The following HHAT variants were observed in gnomAD, a reference collection of about 807,000 sequenced individuals.
The protein encoded by HHAT is hedgehog acyltransferase.
HHAT carries 47 observed loss-of-function variants against 70.8 expected under a neutral mutation model. The observed-to-expected ratio is 0.66, with a 90% CI of 0.53 to 0.85. HHAT has a LOEUF of 0.85. HHAT is among the 40% of genes least tolerant of loss of function. The pLI is 0.00. For synonymous variants in HHAT, 228 were observed against 247.6 expected (o/e 0.92, Z 0.74); for missense variants, 609 against 604.8 (o/e 1.01, Z -0.07).
At chr1:210,476,889 A>G (rs1011951260) in intron 8 of HHAT, among the ~76,000 whole-genome samples, 3 of 152,234 alleles carry the variant, frequency 2.0e-5, no homozygotes, top group Admixed American at 2.0e-4. Context: ...CAGTGTATGC[A>G]TATTAACATT....
At chr1:210,399,233 A>G (rs562460983) in intron 4 of HHAT, among the ~76,000 whole-genome samples, 2 of 152,106 alleles carry the variant, frequency 1.3e-5, no homozygotes, top group Non-Finnish European at 2.9e-5. Context: ...TATCCACCCC[A>G]TGAAGGAGAT....
intron 8 of HHAT, among the ~76,000 whole-genome samples, chr1:210,483,118 T>C (rs1430437249): frequency 6.6e-6 from 1 of 152,224 alleles, no homozygotes; most frequent in African/African-American, 2.4e-5. Context: ...AACTAATGCA[T>C]AATAATAGCA....
rs556317370 is a variant in HHAT, at chr1:210,615,721, A to G, written c.1246-7805A>G. ...GGTCCACTCCAGACCCTGTTTGCCT[A>G]GGTATCAGCAGTGGAGGCTGCAGAG... is the stretch of plus-strand genomic sequence containing the variant. On this transcript the variant is annotated intron_variant, in intron 10 of 11. Coordinates refer to ENST00000261458, the MANE Select transcript of HHAT (RefSeq NM_018194.6). 3.3e-3 allele frequency among the ~76,000 whole-genome samples: 500 copies of G among 152,348 alleles called. 2 individuals carry two copies. Among genetic ancestry groups the G allele is most frequent in the Non-Finnish European group, 4.4e-3 (298 of 68,020 alleles).
chr1:210,562,376 A>G (rs2095630976), intron 9 of HHAT, among the ~76,000 whole-genome samples: 1 of 129,024 alleles, frequency 7.8e-6, no homozygotes, highest in African/African-American at 3.0e-5. Flanking sequence ...AGTCTTTTCA[A>G]TCCAATCACC....
intron 2 of HHAT, among the ~76,000 whole-genome samples, chr1:210,359,515 G>T (rs1251127322): frequency 6.6e-6 from 1 of 151,928 alleles, no homozygotes; most frequent in South Asian, 2.1e-4. Context: ...TTGATCTTGC[G>T]GCTCCCACTC....
intron 8 of HHAT, among the ~76,000 whole-genome samples, chr1:210,498,325 G>A (rs1445437709): frequency 6.6e-6 from 1 of 152,138 alleles, no homozygotes; most frequent in Non-Finnish European, 1.5e-5. Flanking sequence ...AAATTTAAAT[G>A]TTGAGACAAC....
chr1:210,391,666 CAAAT>C (rs1402703537), intron 4 of HHAT, among the ~76,000 whole-genome samples: 1 of 152,114 alleles, frequency 6.6e-6, no homozygotes, highest in Non-Finnish European at 1.5e-5. Context: ...AGTAATCAAA[CAAAT>C]GCATCTTAAA....
At chr1:210,540,480 TGCAC>T in intron 9 of HHAT, among the ~76,000 whole-genome samples, 1 of 146,990 alleles carries the variant, frequency 6.8e-6, no homozygotes, top group Non-Finnish European at 1.5e-5. Context: ...CGCACACACA[TGCAC>T]ACACACGCAC....
At chr1:210,664,487 AG>A (rs746445410) in intron 11 of HHAT, among the ~76,000 whole-genome samples, 51 of 152,232 alleles carry the variant, frequency 3.4e-4, no homozygotes, top group Non-Finnish European at 6.2e-4. Flanking sequence ...AGAGAGTGCC[AG>A]GGCAGGGCCA....
chr1:210,370,610 ATTTTTTTTTTTT>A lies in HHAT; in HGVS notation c.159+7701_159+7712del, dbSNP rs10664778. Among the ~76,000 whole-genome samples, 58 of 98,350 alleles carry A rather than the reference ATTTTTTTTTTTT, an allele frequency of 5.9e-4. 1 individual carries two copies. The highest frequency in any genetic ancestry group is 1.1e-3 in the South Asian group (3 of 2,790). 64.5% of individuals were successfully genotyped at this position (98,350 alleles called of 152,430 possible). A position where few individuals can be genotyped will look rare whatever the true frequency, so the allele number is the denominator to read the frequency against. On this transcript the variant is annotated intron_variant, in intron 3 of 11. Transcript: ENST00000261458. ...TTTATCCATTCACATTGCAGATGCT[ATTTTTTTTTTTT>A]TTTTTTTTTGGAGACGGAGTCTCAC...
intron 7 of HHAT, among the ~76,000 whole-genome samples, chr1:210,457,331 A>G (rs1411252024): frequency 2.0e-5 from 3 of 152,182 alleles, no homozygotes; most frequent in Admixed American, 6.5e-5. Flanking sequence ...ATGAGAAAAA[A>G]CTTATTAAAA....
chr1:210,464,143 C>CT (rs540587373), intron 7 of HHAT, among the ~76,000 whole-genome samples: 2,597 of 144,782 alleles, frequency 0.018, 41 homozygotes, highest in African/African-American at 0.038. Context: ...AGAACTTATT[C>CT]TTTTTTTTTT....
At chr1:210,409,711 T>A (rs952041868) in intron 6 of HHAT, among the ~76,000 whole-genome samples, 32 of 152,236 alleles carry the variant, frequency 2.1e-4, no homozygotes, top group Admixed American at 1.1e-3. Flanking sequence ...AAAAAGAACC[T>A]TTCATCTTTG....
intron 9 of HHAT, among the ~76,000 whole-genome samples, chr1:210,548,441 A>T (rs532476717): frequency 3.5e-4 from 53 of 152,352 alleles, no homozygotes; most frequent in African/African-American, 1.1e-3. Flanking sequence ...GAATGAATTA[A>T]TGAAGAACAA....
chr1:210,366,397 T>C (rs1042631521), intron 3 of HHAT, among the ~76,000 whole-genome samples: 1 of 152,142 alleles, frequency 6.6e-6, no homozygotes, highest in African/African-American at 2.4e-5. Flanking sequence ...TTGGGAAGGC[T>C]AAGACCAGCG....
At chr1:210,534,433 T>TA (rs1240281977) in intron 9 of HHAT, among the ~76,000 whole-genome samples, 3 of 152,208 alleles carry the variant, frequency 2.0e-5, no homozygotes, top group South Asian at 4.1e-4. Flanking sequence ...TGCTTTTTTT[T>TA]ATATAACAAT....
chr1:210,353,454 T>TA (rs370676908), intron 2 of HHAT, among the ~76,000 whole-genome samples: 9 of 54,272 alleles, frequency 1.7e-4, no homozygotes, highest in African/African-American at 3.6e-4. Flanking sequence ...TTTTTTTTTT[T>TA]AAAAAAAAGC....
intron 10 of HHAT, among the ~76,000 whole-genome samples, chr1:210,614,590 T>G (rs1294933311): frequency 2.0e-5 from 3 of 152,014 alleles, no homozygotes; most frequent in Non-Finnish European, 4.4e-5. Flanking sequence ...GGCCCTAGTG[T>G]GTGATGTTCC....
intron 1 of HHAT, among the ~76,000 whole-genome samples, chr1:210,336,976 G>A (rs1462667270): frequency 6.6e-6 from 1 of 152,188 alleles, no homozygotes; most frequent in Non-Finnish European, 1.5e-5. Context: ...ATTTTCAGGG[G>A]AAAGAATGCA....
Sources: allele counts gnomAD v4.1 joint callset (sites outside exome capture counted in the v4.1 genomes callset), GRCh38; gene constraint gnomAD v4.1.1; transcripts MANE v1.5; gene names NCBI Gene and HGNC (gene_info 2026-07-23, HGNC 2026-07-21).